The following FOXP1 variants were observed in gnomAD, a reference collection of about 807,000 sequenced individuals.
The protein encoded by FOXP1 is forkhead box protein P1.
Under a neutral mutation model 98.2 loss-of-function variants are expected in FOXP1, and 15 were observed. The ratio of observed to expected loss-of-function variants is 0.15; its 90% CI spans 0.10 to 0.24. The LOEUF (loss-of-function observed/expected upper bound fraction) is 0.24. FOXP1 is among the 10% of genes least tolerant of loss of function. The pLI, the probability that FOXP1 is intolerant of heterozygous loss-of-function variation, is 1.00. For missense variants in FOXP1, 633 were observed against 848.5 expected (o/e 0.75, Z 3.15); for synonymous variants, 371 against 314.5 (o/e 1.18, Z -1.90).
At chr3:70,961,226 TTTTATTTA>T (rs767939984) in intron 20 of FOXP1, among the ~76,000 whole-genome samples, 2 of 151,560 alleles carry the variant, frequency 1.3e-5, no homozygotes, top group Admixed American at 6.6e-5. Context: ...TCTCCAGCTA[TTTTATTTA>T]TTTATTTATT....
At chr3:71,418,238 T>C (rs998927388) in intron 3 of FOXP1, among the ~76,000 whole-genome samples, 1 of 152,102 alleles carries the variant, frequency 6.6e-6, no homozygotes, top group Non-Finnish European at 1.5e-5. Context: ...GTGTCTCTAA[T>C]GACAAAATCT....
chr3:71,370,708 G>A (rs933059173), intron 3 of FOXP1, among the ~76,000 whole-genome samples: 8 of 151,872 alleles, frequency 5.3e-5, no homozygotes, highest in African/African-American at 1.7e-4. Context: ...ACCCTATAAC[G>A]GGCTTCTCAA....
At chr3:71,235,034 A>T (rs1468751066) in intron 5 of FOXP1, among the ~76,000 whole-genome samples, 1 of 152,212 alleles carries the variant, frequency 6.6e-6, no homozygotes, top group Non-Finnish European at 1.5e-5. Flanking sequence ...GTAAAGTGAG[A>T]TAATATCCCA....
chr3:71,380,245 G>C (rs1252060920), intron 3 of FOXP1, among the ~76,000 whole-genome samples: 1 of 152,136 alleles, frequency 6.6e-6, no homozygotes, highest in Non-Finnish European at 1.5e-5. Context: ...AGAGGTCAGG[G>C]AGACTACCCA....
intron 2 of FOXP1, among the ~76,000 whole-genome samples, chr3:71,510,156 G>A (rs923226586): frequency 4.6e-5 from 7 of 151,320 alleles, no homozygotes; most frequent in Non-Finnish European, 8.8e-5. Context: ...ACTCCAGCCC[G>A]GACAACACAG....
At chr3:71,135,401 G>A (rs898940387) in intron 6 of FOXP1, among the ~76,000 whole-genome samples, 20 of 152,010 alleles carry the variant, frequency 1.3e-4, no homozygotes, top group Non-Finnish European at 1.3e-4. Flanking sequence ...CCAAGCCAGT[G>A]AGAGGAACAC....
At chr3:71,254,953 G>T (rs140782218) in intron 5 of FOXP1, among the ~76,000 whole-genome samples, 1 of 152,134 alleles carries the variant, frequency 6.6e-6, no homozygotes, top group Non-Finnish European at 1.5e-5. Context: ...CAACTTGAAC[G>T]GAGCTTTTTA....
intron 4 of FOXP1, among the ~76,000 whole-genome samples, chr3:71,339,979 T>C (rs1349979656): frequency 6.6e-6 from 1 of 152,216 alleles, no homozygotes; most frequent in African/African-American, 2.4e-5. Context: ...TTATTGCTCA[T>C]AAACACCAAA....
chr3:71,565,235 G>A (rs541363710), intron 2 of FOXP1, among the ~76,000 whole-genome samples: 47 of 152,152 alleles, frequency 3.1e-4, no homozygotes, highest in Admixed American at 6.6e-5. Context: ...ATGGCTTCAC[G>A]GGCTTCAGAC....
chr3:71,316,287 C>T (rs1003425221), intron 4 of FOXP1, among the ~76,000 whole-genome samples: 1 of 152,192 alleles, frequency 6.6e-6, no homozygotes, highest in African/African-American at 2.4e-5. Context: ...TGACCAGAAC[C>T]TTGGACTTTC....
At chr3:71,076,950 T>C (rs1185840071) in intron 7 of FOXP1, among the ~76,000 whole-genome samples, 1 of 152,228 alleles carries the variant, frequency 6.6e-6, no homozygotes, top group African/African-American at 2.4e-5. Context: ...AATATGTCTC[T>C]GGATTTTTTG....
At chr3:71,307,549 A>G (rs1038666943) in intron 4 of FOXP1, among the ~76,000 whole-genome samples, 4 of 152,188 alleles carry the variant, frequency 2.6e-5, no homozygotes, top group Admixed American at 6.5e-5. Context: ...GATTTTGTCC[A>G]CCCTTTTGCC....
At chr3:71,198,085 C>T (rs2063404834) in intron 6 of FOXP1, 117 bp downstream of exon 6, 2 of 1,614,144 alleles carry the variant, frequency 1.2e-6, no homozygotes, top group Non-Finnish European at 1.7e-6. Context: ...GACAGAAAGA[C>T]AGATGGACAG....
At chr3:71,139,685 C>A (rs962538425) in intron 6 of FOXP1, among the ~76,000 whole-genome samples, 1 of 152,064 alleles carries the variant, frequency 6.6e-6, no homozygotes, top group African/African-American at 2.4e-5. Context: ...TCTATTACTT[C>A]CCAGCACAAG....
chr3:71,465,917 C>T (rs1008940851), intron 3 of FOXP1, among the ~76,000 whole-genome samples: 5 of 152,102 alleles, frequency 3.3e-5, no homozygotes, highest in African/African-American at 1.2e-4. Context: ...GTTGTGCACT[C>T]CTTATGAGAA....
chr3:71,478,654 T>C (rs1227919431), intron 3 of FOXP1, among the ~76,000 whole-genome samples: 4 of 152,238 alleles, frequency 2.6e-5, no homozygotes, highest in African/African-American at 7.2e-5. Flanking sequence ...TATGCATTAA[T>C]GGCACTGAAA....
chr3:70,998,327 T>C (rs1299982726), intron 13 of FOXP1, among the ~76,000 whole-genome samples: 2 of 152,208 alleles, frequency 1.3e-5, no homozygotes, highest in African/African-American at 4.8e-5. Flanking sequence ...GACACTGAAA[T>C]TGGAATTTCC....
chr3:71,291,132 C>T (rs1467266562), intron 5 of FOXP1, among the ~76,000 whole-genome samples: 6 of 152,130 alleles, frequency 3.9e-5, no homozygotes, highest in African/African-American at 7.2e-5. Context: ...TATCACGCTT[C>T]GCTGGTTGTC....
chr3:71,308,749 A>ATGTGTG (rs71104439), intron 4 of FOXP1, among the ~76,000 whole-genome samples: 1,863 of 132,182 alleles, frequency 0.014, 43 homozygotes, highest in African/African-American at 0.036. Context: ...TTCTACCACA[A>ATGTGTG]TGTGTGTGTG....
Sources: gnomAD v4.1 joint callset for allele counts (sites outside exome capture counted in the v4.1 genomes callset) on GRCh38, gnomAD v4.1.1 for gene constraint, MANE v1.5 for transcripts, NCBI Gene and HGNC (gene_info 2026-07-23, HGNC 2026-07-21) for gene names.